IQCM: variants seen among roughly 807,000 people sequenced by gnomAD.
The protein encoded by IQCM is IQ domain-containing protein M.
Under a neutral mutation model 57.6 loss-of-function variants are expected in IQCM, and 45 were observed. The ratio of observed to expected loss-of-function variants is 0.78; its 90% CI spans 0.62 to 1.00. The LOEUF (loss-of-function observed/expected upper bound fraction) is 1.00. Among genes scored for constraint, IQCM ranks in the 50% least tolerant of loss-of-function variants. The pLI, the probability that IQCM is intolerant of heterozygous loss-of-function variation, is 0.00. For synonymous variants in IQCM, 148 were observed against 158.9 expected (o/e 0.93, Z 0.51); for missense variants, 468 against 511.6 (o/e 0.91, Z 0.82).
At chr4:149,382,164 G>C (rs1578865551) in intron 13 of IQCM, among the ~76,000 whole-genome samples, 2 of 151,912 alleles carry the variant, frequency 1.3e-5, no homozygotes, top group African/African-American at 4.8e-5. Flanking sequence ...TTTGACTATT[G>C]AGATCATAGC....
chr4:149,523,043 G>T (rs1191213934), intron 12 of IQCM, among the ~76,000 whole-genome samples: 1 of 152,150 alleles, frequency 6.6e-6, no homozygotes, highest in Non-Finnish European at 1.5e-5. Flanking sequence ...GGAAGTCCAA[G>T]ATCAAGTCAC....
At chr4:149,497,170 C>A (rs1166126332) in intron 12 of IQCM, among the ~76,000 whole-genome samples, 2 of 152,134 alleles carry the variant, frequency 1.3e-5, no homozygotes, top group East Asian at 1.9e-4. Flanking sequence ...CTCTGAGTGA[C>A]CCCAGCTCCC....
intron 8 of IQCM, among the ~76,000 whole-genome samples, chr4:149,605,598 A>C (rs1754703543): frequency 6.6e-6 from 1 of 152,336 alleles, no homozygotes; most frequent in East Asian, 1.9e-4. Flanking sequence ...ACATTAAGTA[A>C]AATAAAATAA....
At chr4:149,790,565 A>G (rs1580307459) in intron 2 of IQCM, among the ~76,000 whole-genome samples, 1 of 152,336 alleles carries the variant, frequency 6.6e-6, no homozygotes, top group East Asian at 1.9e-4. Flanking sequence ...TTGGCTTCTT[A>G]CATTAATGTT....
chr4:149,598,625 C>T (rs1753990979), intron 8 of IQCM, among the ~76,000 whole-genome samples: 1 of 150,418 alleles, frequency 6.6e-6, no homozygotes, highest in Non-Finnish European at 1.5e-5. Flanking sequence ...AAATAATTGC[C>T]CAGAAACATA....
At chr4:149,397,870 T>C (rs1732340432) in intron 13 of IQCM, among the ~76,000 whole-genome samples, 3 of 152,044 alleles carry the variant, frequency 2.0e-5, no homozygotes, top group Non-Finnish European at 4.4e-5. Context: ...TCCCATTTCA[T>C]AGGTTGCCTT....
At chr4:149,456,702 T>A (rs1737740187) in intron 12 of IQCM, among the ~76,000 whole-genome samples, 1 of 152,100 alleles carries the variant, frequency 6.6e-6, no homozygotes, top group African/African-American at 2.4e-5. Flanking sequence ...AGAATCCCTC[T>A]CATGAGAGTC....
chr4:149,703,826 G>A (rs1763949446), intron 5 of IQCM, among the ~76,000 whole-genome samples: 1 of 151,888 alleles, frequency 6.6e-6, no homozygotes, highest in African/African-American at 2.4e-5. Context: ...TAGTAGCTGA[G>A]ACAGTTTCCC....
intron 2 of IQCM, among the ~76,000 whole-genome samples, chr4:149,792,828 C>T (rs1177568109): frequency 6.6e-6 from 1 of 152,100 alleles, no homozygotes. Context: ...TATAGTGAGT[C>T]AGGTAGTAAT....
chr4:149,621,233 A>G lies in IQCM; in HGVS notation c.577T>C (p.Tyr193His). 8.1e-7 allele frequency: 1 copy of G among 1,229,926 alleles called. No individual in the cohort carries two copies. Among genetic ancestry groups the G allele is most frequent in the Non-Finnish European group, 1.0e-6 (1 of 985,896 alleles). 76.2% of individuals were successfully genotyped at this position (1,229,926 alleles called of 1,614,324 possible). The stretch of plus-strand genomic sequence containing the variant: ...GTCAGCACAAATCCTCTCCAGTCAT[A>G]GAATGCTTTGTCTGTTAGAAATATC... ...ELLKEPDKAF[Y>H]DWRGFVLTRS... The change falls in exon 8 of 14, where the codon TAT becomes CAT. Residue 193 changes from tyrosine (Y) to histidine (H), a missense_variant. Tyr to His is a moderately conservative substitution (Grantham distance 83). Coordinates refer to ENST00000636793, the MANE Select transcript of IQCM (RefSeq NM_001363507.2).
intron 13 of IQCM, among the ~76,000 whole-genome samples, chr4:149,387,601 A>G (rs971552256): frequency 7.2e-5 from 11 of 152,078 alleles, no homozygotes; most frequent in Non-Finnish European, 1.2e-4. Flanking sequence ...CCTAAAATAT[A>G]GTTCATATAG....
intron 13 of IQCM, among the ~76,000 whole-genome samples, chr4:149,364,222 C>A (rs547742859): frequency 2.0e-5 from 3 of 152,042 alleles, no homozygotes; most frequent in African/African-American, 7.2e-5. Flanking sequence ...GAAATCTCAA[C>A]GATAAAAGTC....
rs569200893 is a variant in IQCM, at chr4:149,375,094, G to A, written c.1391-23028C>T. ...TTCAGTTAAATAGCTCAGTAACTTC[G>A]TATCAAAGAATACATATTGGTATTG... On this transcript the variant is annotated intron_variant, in intron 13 of 13. Transcript: ENST00000636793. Among the ~76,000 whole-genome samples, 9 of 151,716 alleles carry A rather than the reference G, an allele frequency of 5.9e-5. No individual in the cohort carries two copies. The South Asian group carries it at 6.3e-4, about 11-fold the overall frequency.
At chr4:149,366,050 G>A (rs1178323920) in intron 13 of IQCM, among the ~76,000 whole-genome samples, 2 of 151,930 alleles carry the variant, frequency 1.3e-5, no homozygotes, top group East Asian at 3.9e-4. Flanking sequence ...AGTAGGGGAG[G>A]GAATTCTGTA....
At chr4:149,787,727 T>C (rs1417036472) in intron 2 of IQCM, among the ~76,000 whole-genome samples, 2 of 151,872 alleles carry the variant, frequency 1.3e-5, no homozygotes, top group East Asian at 3.9e-4. Flanking sequence ...CCTGAAACTA[T>C]AAAACTAGAA....
intron 7 of IQCM, among the ~76,000 whole-genome samples, chr4:149,641,811 T>C (rs1043583436): frequency 1.3e-5 from 2 of 152,176 alleles, no homozygotes; most frequent in Non-Finnish European, 2.9e-5. Flanking sequence ...TCATCAATTA[T>C]TAACTCCAAT....
rs377361530 is a variant in IQCM, at chr4:149,712,214, A to G, written c.385+21030T>C. Reference sequence around the variant, plus strand: ...CATGCTGTGACAGAATCATTTTGGAAGCATTCATGCAGGCCAGAGAAATTA... The same window carrying G: ...CATGCTGTGACAGAATCATTTTGGAGGCATTCATGCAGGCCAGAGAAATTA... On this transcript the variant is annotated intron_variant, in intron 5 of 13. Transcript: ENST00000636793. 9.7e-4 allele frequency among the ~76,000 whole-genome samples: 147 copies of G among 152,254 alleles called. 1 individual carries two copies. Among genetic ancestry groups the G allele is most frequent in the African/African-American group, 3.3e-3 (136 of 41,544 alleles).
intron 8 of IQCM, among the ~76,000 whole-genome samples, chr4:149,603,453 G>T (rs1754492971): frequency 6.6e-6 from 1 of 152,074 alleles, no homozygotes. Context: ...ACAACTTGGT[G>T]TAGCCTCTTA....
intron 12 of IQCM, among the ~76,000 whole-genome samples, chr4:149,468,266 C>A (rs947849633): frequency 6.6e-6 from 1 of 152,110 alleles, no homozygotes; most frequent in Non-Finnish European, 1.5e-5. Context: ...AAAATCAGGA[C>A]ACGCCCACCC....
Sources: gnomAD v4.1 joint callset for allele counts (sites outside exome capture counted in the v4.1 genomes callset) on GRCh38, gnomAD v4.1.1 for gene constraint, MANE v1.5 for transcripts, NCBI Gene and HGNC (gene_info 2026-07-23, HGNC 2026-07-21) for gene names.